GPC6: variants seen among roughly 807,000 people sequenced by gnomAD.
GPC6 encodes glypican-6.
In GPC6, 14 loss-of-function variants were observed where a neutral mutation model predicts 55.2. The ratio of observed to expected loss-of-function variants is 0.25; its 90% CI spans 0.17 to 0.40. The LOEUF (loss-of-function observed/expected upper bound fraction) is 0.40. GPC6 is among the 10% of genes least tolerant of loss of function. GPC6 has a pLI of 1.00. For synonymous variants in GPC6, 278 were observed against 259.6 expected (o/e 1.07, Z -0.68); for missense variants, 641 against 708.5 (o/e 0.90, Z 1.08).
At chr13:94,049,113 C>T (rs948560405) in intron 4 of GPC6, among the ~76,000 whole-genome samples, 29 of 151,964 alleles carry the variant, frequency 1.9e-4, no homozygotes, top group Non-Finnish European at 7.4e-5. Context: ...ATCAGCTAAG[C>T]GTGACAGCCT....
intron 4 of GPC6, among the ~76,000 whole-genome samples, chr13:94,185,022 A>G (rs1444358042): frequency 6.6e-6 from 1 of 152,186 alleles, no homozygotes; most frequent in Non-Finnish European, 1.5e-5. Context: ...GACATAATCC[A>G]AATGAATTAA....
intron 4 of GPC6, among the ~76,000 whole-genome samples, chr13:94,193,332 A>G (rs1285210597): frequency 2.0e-5 from 3 of 152,160 alleles, no homozygotes; most frequent in Non-Finnish European, 2.9e-5. Context: ...ACCGAAGATG[A>G]AAAATGTAGT....
At position 93,982,557 on chromosome 13, in the gene GPC6, G is replaced by A. The variant is rs143003059; in HGVS notation, c.712-45172G>A. Among the ~76,000 whole-genome samples, 406 of 152,240 alleles carry A rather than the reference G, an allele frequency of 2.7e-3. 4 individuals carry two copies. Among genetic ancestry groups the A allele is most frequent in the African/African-American group, 9.4e-3 (390 of 41,534 alleles). ...CCTTACACTACTTAGGTATCTCTCTGTCAAGAATCAATCTTGTTCGAATTT... is the reference window on the plus strand; with the variant it reads ...CCTTACACTACTTAGGTATCTCTCTATCAAGAATCAATCTTGTTCGAATTT... On this transcript the variant is annotated intron_variant, in intron 3 of 8. Coordinates refer to ENST00000377047, the MANE Select transcript of GPC6 (RefSeq NM_005708.5).
intron 4 of GPC6, among the ~76,000 whole-genome samples, chr13:94,059,368 T>C (rs1326617810): frequency 2.0e-5 from 3 of 152,134 alleles, no homozygotes; most frequent in Admixed American, 6.5e-5. Flanking sequence ...CCCTTTCTGC[T>C]TCTCCTATCT....
chr13:93,391,320 A>AT (rs1875625594), intron 1 of GPC6, among the ~76,000 whole-genome samples: 1 of 152,116 alleles, frequency 6.6e-6, no homozygotes, highest in Non-Finnish European at 1.5e-5. Context: ...TAGTAGAGAG[A>AT]TTTTAAATGA....
chr13:93,231,105 C>T (rs926696075), intron 1 of GPC6, among the ~76,000 whole-genome samples: 1 of 151,520 alleles, frequency 6.6e-6, no homozygotes, highest in African/African-American at 2.4e-5. Context: ...TACACATTAA[C>T]CCCATTTTAT....
intron 3 of GPC6, among the ~76,000 whole-genome samples, chr13:93,876,603 C>T (rs1269290681): frequency 1.3e-5 from 2 of 152,038 alleles, no homozygotes; most frequent in African/African-American, 2.4e-5. Flanking sequence ...TTTTAATATT[C>T]TTACATTGCT....
intron 2 of GPC6, among the ~76,000 whole-genome samples, chr13:93,694,494 G>A (rs532133719): frequency 6.6e-6 from 1 of 152,246 alleles, no homozygotes; most frequent in East Asian, 1.9e-4. Context: ...TTGAAAAGCA[G>A]CAGTCAAAGT....
chr13:93,428,731 G>A (rs1256250912), intron 1 of GPC6, among the ~76,000 whole-genome samples: 1 of 152,124 alleles, frequency 6.6e-6, no homozygotes, highest in East Asian at 1.9e-4. Flanking sequence ...ATCTTATGGA[G>A]AGAGGAATGT....
intron 3 of GPC6, among the ~76,000 whole-genome samples, chr13:93,913,105 C>G (rs933303136): frequency 1.3e-5 from 2 of 152,190 alleles, no homozygotes; most frequent in Non-Finnish European, 2.9e-5. Context: ...AAGTCATGTT[C>G]ACAGATGTCA....
chr13:93,959,578 C>G lies in GPC6; in HGVS notation c.712-68151C>G, dbSNP rs1687027978. ...CTACTGAGCTAATTTATTATCTGAT[C>G]TAATATTCAGAAATAAATGCTCCTA... On this transcript the variant is annotated intron_variant, in intron 3 of 8. Coordinates refer to ENST00000377047, the MANE Select transcript of GPC6 (RefSeq NM_005708.5). 1.3e-5 allele frequency among the ~76,000 whole-genome samples: 2 copies of G among 152,170 alleles called. 1 individual carries two copies. The highest frequency in any genetic ancestry group is 4.1e-4 in the South Asian group (2 of 4,834).
intron 2 of GPC6, among the ~76,000 whole-genome samples, chr13:93,554,170 A>G (rs1254855281): frequency 6.6e-6 from 1 of 151,148 alleles, no homozygotes; most frequent in Non-Finnish European, 1.5e-5. Flanking sequence ...AGAGAGAGAG[A>G]GCTGACTTGA....
intron 6 of GPC6, among the ~76,000 whole-genome samples, chr13:94,349,678 C>G (rs1468899511): frequency 2.0e-5 from 3 of 152,120 alleles, no homozygotes; most frequent in Non-Finnish European, 2.9e-5. Flanking sequence ...ACCTAGAAGT[C>G]CTCTCCTAAT....
intron 1 of GPC6, among the ~76,000 whole-genome samples, chr13:93,284,303 C>A (rs992315363): frequency 2.6e-5 from 4 of 152,160 alleles, no homozygotes; most frequent in Admixed American, 2.6e-4. Flanking sequence ...AGCCTCAAAT[C>A]ATGTGTATGT....
intron 3 of GPC6, among the ~76,000 whole-genome samples, chr13:93,997,578 A>C (rs561669507): frequency 1.9e-5 from 1 of 53,504 alleles, no homozygotes; most frequent in South Asian, 1.3e-3. Flanking sequence ...AAAAAGACAT[A>C]ATATGTGTGT....
At position 93,885,372 on chromosome 13, in the gene GPC6, C is replaced by A. The variant is rs556662670; in HGVS notation, c.711+54827C>A. Among the ~76,000 whole-genome samples the A allele has an allele frequency of 1.9e-4, 29 of 149,574 alleles. No individual in the cohort carries two copies. The South Asian group carries it at 5.2e-3, about 27-fold the overall frequency. On this transcript the variant is annotated intron_variant, in intron 3 of 8. Coordinates refer to ENST00000377047, the MANE Select transcript of GPC6 (RefSeq NM_005708.5). Reference sequence around the variant, plus strand: ...AAAGTTGTCAGGTCTGGAAACTGAGCAGTGCATATTGAACAGAGAGGACCA... The same window carrying A: ...AAAGTTGTCAGGTCTGGAAACTGAGAAGTGCATATTGAACAGAGAGGACCA...
intron 3 of GPC6, among the ~76,000 whole-genome samples, chr13:93,939,213 T>A (rs1352613624): frequency 6.6e-6 from 1 of 151,564 alleles, no homozygotes; most frequent in Non-Finnish European, 1.5e-5. Context: ...GTATTGGACA[T>A]GCCTGAATAG....
At chr13:93,801,215 A>G (rs533803385) in intron 2 of GPC6, among the ~76,000 whole-genome samples, 74 of 152,336 alleles carry the variant, frequency 4.9e-4, no homozygotes, top group Admixed American at 1.9e-3. Context: ...TCTCCAGGCT[A>G]TCTCTGTCAG....
intron 1 of GPC6, among the ~76,000 whole-genome samples, chr13:93,237,402 C>T (rs756509206): frequency 6.6e-6 from 1 of 152,066 alleles, no homozygotes; most frequent in Non-Finnish European, 1.5e-5. Context: ...CATTTACACA[C>T]TTTTTAATGC....
Sources: gnomAD v4.1 joint callset for allele counts (sites outside exome capture counted in the v4.1 genomes callset) on GRCh38, gnomAD v4.1.1 for gene constraint, MANE v1.5 for transcripts, NCBI Gene and HGNC (gene_info 2026-07-23, HGNC 2026-07-21) for gene names.